The following CTBP2 variants were observed in gnomAD, a reference collection of about 807,000 sequenced individuals.
CTBP2 encodes C-terminal-binding protein 2.
CTBP2 carries 30 observed loss-of-function variants against 80.3 expected under a neutral mutation model. The observed-to-expected ratio is 0.37, with a 90% CI of 0.28 to 0.51. The LOEUF is 0.51. Among genes scored for constraint, CTBP2 ranks in the 20% least tolerant of loss-of-function variants. The pLI is 0.93. For missense variants in CTBP2, 1,212 were observed against 1,375.3 expected (o/e 0.88, Z 1.88); for synonymous variants, 594 against 587.4 (o/e 1.01, Z -0.16).
intron 2 of CTBP2, chr10:125,100,553 A>G (rs907585248): frequency 1.3e-5 from 2 of 152,244 alleles, no homozygotes; most frequent in African/African-American, 4.8e-5. Context: ...TTTAATTTTT[A>G]AACAAAAATA....
In CTBP2 at chr10:125,098,706, GACAGAGAGAGAGAGAGAC is replaced by G. The variant is rs1850042839; in HGVS notation, c.-102+12266_-102+12283del. On this transcript the variant is annotated intron_variant, in intron 2 of 10. Transcript: ENST00000337195. ...AGAGAGAGAGAGAGAGAGAGAGAGAGACAGAGAGAGAGAGAGACAGAGAGAGAGAGAGAGAGAGAGAGA... is the reference window on the plus strand; with the variant it reads ...AGAGAGAGAGAGAGAGAGAGAGAGAGAGAGAGAGAGAGAGAGAGAGAGAGA... Among the ~76,000 whole-genome samples, 65 of 116,964 alleles carry G rather than the reference GACAGAGAGAGAGAGAGAC, an allele frequency of 5.6e-4. 2 individuals are homozygous for G. The highest frequency in any genetic ancestry group is 7.9e-4 in the South Asian group (3 of 3,804). The allele number at this position is 116,964 out of a possible 152,430, so 76.7% of individuals were successfully genotyped here.
intron 1 of CTBP2, among the ~76,000 whole-genome samples, chr10:125,119,487 C>T (rs140314254): frequency 2.7e-3 from 412 of 152,328 alleles, no homozygotes; most frequent in African/African-American, 9.4e-3. Flanking sequence ...ATATGTCAGA[C>T]ACTATCCATC....
intron 1 of CTBP2, among the ~76,000 whole-genome samples, chr10:125,154,950 A>C (rs1182855696): frequency 1.3e-5 from 2 of 152,242 alleles, no homozygotes; most frequent in African/African-American, 4.8e-5. Flanking sequence ...CTTTAAAGTC[A>C]GGAGAGGAGT....
intron 1 of CTBP2, among the ~76,000 whole-genome samples, chr10:125,009,333 C>A (rs546295214): frequency 6.6e-6 from 1 of 152,300 alleles, no homozygotes; most frequent in South Asian, 2.1e-4. Context: ...CCTAAGCAGC[C>A]GGTGTGGCTC....
In CTBP2 at chr10:124,986,892, C is replaced by CAG. The variant is rs10640609; in HGVS notation, c.*2624_*2625dup. The CAG allele has an allele frequency of 0.97, 147,496 of 152,372 alleles. 71,467 individuals are homozygous for CAG. The highest frequency in any genetic ancestry group is 0.99 in the Non-Finnish European group (67,612 of 68,046). 9.4% of individuals were successfully genotyped at this position (152,372 alleles called of 1,614,324 possible). ...AGTCTGCATTGCAGCCAGCGTTGTC[C>CAG]AGAGTACACGCTCAGCACTTAGCTT... On this transcript the variant is annotated 3_prime_UTR_variant, in exon 9 of 9. Coordinates refer to ENST00000309035, the MANE Select transcript of CTBP2 (RefSeq NM_022802.3).
chr10:125,127,444 T>C (rs997530122), intron 1 of CTBP2, among the ~76,000 whole-genome samples: 2 of 152,194 alleles, frequency 1.3e-5, no homozygotes, highest in Non-Finnish European at 2.9e-5. Flanking sequence ...TGAATCATCT[T>C]CTCTCAAACG....
intron 1 of CTBP2, among the ~76,000 whole-genome samples, chr10:125,021,987 G>C (rs1045100404): frequency 1.3e-5 from 2 of 152,236 alleles, no homozygotes; most frequent in Non-Finnish European, 1.5e-5. Context: ...CACAATGCTG[G>C]AATGTTTTTA....
intron 1 of CTBP2, among the ~76,000 whole-genome samples, chr10:125,150,544 G>C (rs1292522091): frequency 3.3e-5 from 5 of 152,116 alleles, no homozygotes. Context: ...GTCAGCCACA[G>C]AGAAGCCAGA....
chr10:125,131,609 C>G (rs919344239), intron 1 of CTBP2, among the ~76,000 whole-genome samples: 8 of 152,214 alleles, frequency 5.3e-5, no homozygotes, highest in African/African-American at 1.4e-4. Context: ...GTACTACTTA[C>G]GTTCACATTG....
At chr10:125,073,997 G>A (rs1164895667) in intron 2 of CTBP2, among the ~76,000 whole-genome samples, 2 of 152,156 alleles carry the variant, frequency 1.3e-5, no homozygotes, top group South Asian at 2.1e-4. Context: ...GATGTTCTCA[G>A]TACCTGTTCA....
chr10:125,155,403 C>CT lies in CTBP2; in HGVS notation c.-206+4915dup, dbSNP rs545975275. On this transcript the variant is annotated intron_variant, in intron 1 of 10. Coordinates refer to the CTBP2 transcript ENST00000337195. ...TTCTGTATTCATTTGTGAATCCCCCCTTTTTTTTTTTACACAATGTGCAAA... is the reference window on the plus strand; with the variant it reads ...TTCTGTATTCATTTGTGAATCCCCCCTTTTTTTTTTTTACACAATGTGCAAA... Among the ~76,000 whole-genome samples, 99 of 147,272 alleles carry CT rather than the reference C, an allele frequency of 6.7e-4. 1 individual carries two copies. The highest frequency in any genetic ancestry group is 3.6e-3 in the Middle Eastern group (1 of 280).
At chr10:125,142,665 A>T (rs1190202710) in intron 1 of CTBP2, among the ~76,000 whole-genome samples, 1 of 152,208 alleles carries the variant, frequency 6.6e-6, no homozygotes, top group Admixed American at 6.5e-5. Context: ...TCAAAAAGCA[A>T]ATGATAAAAT....
In CTBP2 at chr10:124,986,202, C is replaced by T. The variant is rs1020179771; in HGVS notation, c.*3316G>A. 6.6e-6 allele frequency: 1 copy of T among 152,232 alleles called. No homozygotes were observed. Among genetic ancestry groups the T allele is most frequent in the African/African-American group, 2.4e-5 (1 of 41,368 alleles). 9.4% of individuals were successfully genotyped at this position (152,232 alleles called of 1,614,324 possible). ...AAAAATTTCAGACCTATCTCAGGAA[C>T]ACAGAAATATTTGGTGTCCTGATAA... On this transcript the variant is annotated 3_prime_UTR_variant, in exon 9 of 9. Transcript: ENST00000309035.
At chr10:125,073,551 C>T (rs541605076) in intron 2 of CTBP2, among the ~76,000 whole-genome samples, 1 of 152,156 alleles carries the variant, frequency 6.6e-6, no homozygotes, top group Non-Finnish European at 1.5e-5. Flanking sequence ...GGTTTCTGCA[C>T]CTCTTTCAAA....
chr10:125,120,334 A>G (rs1854105426), intron 1 of CTBP2, among the ~76,000 whole-genome samples: 1 of 152,248 alleles, frequency 6.6e-6, no homozygotes, highest in South Asian at 2.1e-4. Flanking sequence ...CTCAAAGTCC[A>G]CAGTCCCTGA....
At chr10:125,080,967 AAGG>A (rs1488171424) in intron 2 of CTBP2, among the ~76,000 whole-genome samples, 6 of 152,078 alleles carry the variant, frequency 3.9e-5, no homozygotes, top group Middle Eastern at 3.4e-3. Flanking sequence ...AAAAAAAAAA[AAGG>A]AGATTGAGAT....
At position 124,989,527 on chromosome 10, in the gene CTBP2, G is replaced by A. The variant is rs372168977; in HGVS notation, c.2949C>T (p.Asn983=). 60 of 1,612,568 alleles carry A rather than the reference G, an allele frequency of 3.7e-5. No individual in the cohort carries two copies. The Admixed American group carries it at 6.2e-4, about 17-fold the overall frequency. ...CTTCTGGCATTCTCTGCTATTGCTC[G>A]TTGGGGTGCTCTCGATTGTCCCCGT... Residue 983 remains asparagine, a synonymous_variant, in exon 9 of 9, where the codon AAC becomes AAT. Transcript: ENST00000309035.
chr10:125,124,953 C>T (rs961011438), intron 1 of CTBP2, among the ~76,000 whole-genome samples: 1 of 152,174 alleles, frequency 6.6e-6, no homozygotes, highest in African/African-American at 2.4e-5. Context: ...TGAAGTATCG[C>T]CCTCTGCCCC....
chr10:125,084,239 G>A (rs1287830890), intron 2 of CTBP2, among the ~76,000 whole-genome samples: 2 of 152,228 alleles, frequency 1.3e-5, no homozygotes, highest in African/African-American at 4.8e-5. Context: ...ACAGGTGTGA[G>A]CCACTGTGAG....
Sources: allele counts gnomAD v4.1 joint callset (sites outside exome capture counted in the v4.1 genomes callset), GRCh38; gene constraint gnomAD v4.1.1; transcripts MANE v1.5; gene names NCBI Gene and HGNC (gene_info 2026-07-23, HGNC 2026-07-21).